Variants in BCAS3 observed in about 807,000 individuals in gnomAD.
The protein encoded by BCAS3 is BCAS4/BCAS3 fusion.
Under a neutral mutation model 116.1 loss-of-function variants are expected in BCAS3, and 53 were observed. The ratio of observed to expected loss-of-function variants is 0.46; its 90% confidence interval spans 0.37 to 0.57. The LOEUF is 0.57. Ranked by LOEUF, BCAS3 falls within the 20% of genes least tolerant of loss-of-function variation. BCAS3 has a pLI of 0.00. For synonymous variants in BCAS3, 391 were observed against 408.2 expected, an observed-to-expected ratio of 0.96 and a Z score of 0.51; for missense variants, 917 against 1,165.4, an observed-to-expected ratio of 0.79 and a Z score of 3.10.
intron 13 of BCAS3, among the ~76,000 whole-genome samples, chr17:60,930,012 T>G (rs1310602541): frequency 6.6e-6 from 1 of 152,124 alleles, no homozygotes; most frequent in Non-Finnish European, 1.5e-5. Flanking sequence ...CTATTGTGAA[T>G]AGTGCTGCAA....
intron 19 of BCAS3, among the ~76,000 whole-genome samples, chr17:61,061,626 A>T (rs1231493403): frequency 1.3e-5 from 2 of 152,210 alleles, no homozygotes; most frequent in African/African-American, 2.4e-5. Flanking sequence ...AGTAGGTTCC[A>T]TATATGCTCT....
intron 4 of BCAS3, among the ~76,000 whole-genome samples, chr17:60,702,733 GCGTGTGCCACAGCGC>G (rs2036578513): frequency 6.6e-6 from 1 of 152,088 alleles, no homozygotes; most frequent in African/African-American, 2.4e-5. Flanking sequence ...GGGACTGTAG[GCGTGTGCCACAGCGC>G]CTGGCTAATT....
intron 8 of BCAS3, 31 bp from the exon 9 acceptor site, chr17:60,874,631 C>T (rs1269692313): frequency 6.6e-7 from 1 of 1,505,524 alleles, no homozygotes. Context: ...CACTTTTTTT[C>T]TTTCTGTTTT....
chr17:61,093,434 A>G (rs1229774872), intron 22 of BCAS3, among the ~76,000 whole-genome samples: 11 of 152,102 alleles, frequency 7.2e-5, no homozygotes, highest in Admixed American at 5.9e-4. Flanking sequence ...AAAAAGTACA[A>G]AAATTAGCCA....
chr17:60,854,547 C>T (rs2053487604), intron 7 of BCAS3, among the ~76,000 whole-genome samples: 1 of 152,156 alleles, frequency 6.6e-6, no homozygotes, highest in Non-Finnish European at 1.5e-5. Flanking sequence ...TATGAACAGA[C>T]ACTTCTCAAA....
intron 13 of BCAS3, 143 bp from the exon 14 acceptor site, chr17:60,947,075 AT>A (rs993605348): frequency 6.5e-6 from 5 of 763,634 alleles, no homozygotes; most frequent in African/African-American, 5.3e-5. Flanking sequence ...AAGATATTTT[AT>A]TTTTTTCTTT....
chr17:60,780,205 G>A (rs192164918), intron 6 of BCAS3, among the ~76,000 whole-genome samples: 2 of 151,170 alleles, frequency 1.3e-5, no homozygotes, highest in African/African-American at 2.4e-5. Flanking sequence ...GGCCAAGCTG[G>A]TCTCAAACTC....
Position 61,324,581 on chromosome 17 carries a change from C to A in BCAS3, c.2426-43746C>A, listed in dbSNP as rs1407892583. Among the ~76,000 whole-genome samples the A allele has an allele frequency of 6.6e-6, 1 of 152,182 alleles. No individual in the cohort carries two copies. Among genetic ancestry groups the A allele is most frequent in the Non-Finnish European group, 1.5e-5 (1 of 68,024 alleles). On this transcript the variant is annotated intron_variant, in intron 22 of 23. Transcript: ENST00000407086. The surrounding 1 kb of genome is among the most constrained non-coding windows in gnomAD (Gnocchi z 4.6). The stretch of plus-strand genomic sequence containing the variant: ...AATCGCCTCCAAAAGGAAGGCAGCA[C>A]TGAATGACAGTAAAGTAAGGGCTGG...
At position 61,244,660 on chromosome 17, in the gene BCAS3, G is replaced by A. The variant is rs1429380529; in HGVS notation, c.2426-123667G>A. Among the ~76,000 whole-genome samples, 2 of 152,088 alleles carry A rather than the reference G, an allele frequency of 1.3e-5. No homozygotes were observed. Among genetic ancestry groups the A allele is most frequent in the African/African-American group, 2.4e-5 (1 of 41,426 alleles). On this transcript the variant is annotated intron_variant, in intron 22 of 23. Coordinates refer to ENST00000407086, the MANE Select transcript of BCAS3 (RefSeq NM_017679.5). This position sits in a 1 kb window ranked among gnomAD's most constrained non-coding sequence, Gnocchi z 4.9. Reference sequence around the variant, plus strand: ...GGGCGGATCACGAGGTCAGGAGATCGAGACCATCCTGGCTAACACGGTGAA... The same window carrying A: ...GGGCGGATCACGAGGTCAGGAGATCAAGACCATCCTGGCTAACACGGTGAA...
chr17:61,067,317 T>TATATATATA (rs2070778205), intron 19 of BCAS3, among the ~76,000 whole-genome samples: 78 of 59,700 alleles, frequency 1.3e-3, no homozygotes, highest in African/African-American at 2.6e-3. Context: ...ATATATATAT[T>TATATATATA]TATACAGACT....
intron 22 of BCAS3, among the ~76,000 whole-genome samples, chr17:61,329,370 T>A (rs938227897): frequency 1.4e-5 from 2 of 147,588 alleles, no homozygotes; most frequent in African/African-American, 5.0e-5. Flanking sequence ...AGACGGAGTC[T>A]CGCTCTGTCG....
chr17:60,997,788 T>C (rs2063938893), intron 15 of BCAS3, among the ~76,000 whole-genome samples: 1 of 152,206 alleles, frequency 6.6e-6, no homozygotes, highest in South Asian at 2.1e-4. Flanking sequence ...ATTTCATATA[T>C]TTGCTCCTTC....
intron 10 of BCAS3, among the ~76,000 whole-genome samples, chr17:60,891,504 A>G (rs1348392499): frequency 6.6e-6 from 1 of 152,264 alleles, no homozygotes; most frequent in Non-Finnish European, 1.5e-5. Context: ...GTCCTTACAT[A>G]GTATTTTCAT....
chr17:61,373,165 A>G (rs1256679089), intron 23 of BCAS3, among the ~76,000 whole-genome samples: 1 of 150,546 alleles, frequency 6.6e-6, no homozygotes, highest in Non-Finnish European at 1.5e-5. Flanking sequence ...ATCTCGGCTC[A>G]CTGCAACCTC....
intron 22 of BCAS3, among the ~76,000 whole-genome samples, chr17:61,143,422 G>A (rs943332610): frequency 6.6e-5 from 10 of 152,140 alleles, no homozygotes; most frequent in African/African-American, 2.2e-4. Flanking sequence ...GTAGAATAAA[G>A]GTAGATATTC....
At chr17:61,273,399 A>C (rs768558934) in intron 22 of BCAS3, among the ~76,000 whole-genome samples, 8 of 152,130 alleles carry the variant, frequency 5.3e-5, no homozygotes, top group Non-Finnish European at 1.2e-4. Context: ...AAAAAGCCAG[A>C]TGTCATTCTG....
In BCAS3 at chr17:60,993,614, A is replaced by G. The variant is rs550452987; in HGVS notation, c.1486+3379A>G. 1.2e-4 allele frequency among the ~76,000 whole-genome samples: 18 copies of G among 152,288 alleles called. No individual in the cohort carries two copies. The highest frequency in any genetic ancestry group is 2.2e-4 in the African/African-American group (9 of 41,578). ...TTTGTATCTTACATGTCATAACAAAATGGGCATTGTTGGTTAGTTCTAAAA... is the reference window on the plus strand; with the variant it reads ...TTTGTATCTTACATGTCATAACAAAGTGGGCATTGTTGGTTAGTTCTAAAA... On this transcript the variant is annotated intron_variant, in intron 15 of 23. Transcript: ENST00000407086. This position sits in a 1 kb window ranked among gnomAD's most constrained non-coding sequence, Gnocchi z 4.2.
At position 61,007,825 on chromosome 17, in the gene BCAS3, G is replaced by A. The variant is rs552394184; in HGVS notation, c.1487-7926G>A. Among the ~76,000 whole-genome samples the A allele has an allele frequency of 3.1e-4, 47 of 152,070 alleles. No individual in the cohort carries two copies. The highest frequency in any genetic ancestry group is 1.1e-3 in the African/African-American group (47 of 41,496). On this transcript the variant is annotated intron_variant, in intron 15 of 23. Transcript: ENST00000407086. The surrounding 1 kb of genome is among the most constrained non-coding windows in gnomAD (Gnocchi z 4.3). ...TACCTACAGTAATGTCTATGGTGAC[G>A]TGAACTTTTTACTCAAAGAAAGCAA...
At chr17:60,821,110 C>G (rs2049924036) in intron 7 of BCAS3, among the ~76,000 whole-genome samples, 1 of 152,012 alleles carries the variant, frequency 6.6e-6, no homozygotes, top group Non-Finnish European at 1.5e-5. Context: ...TCATGCCTGG[C>G]TAATATTTGT....
Sources: allele counts gnomAD v4.1 joint callset (sites outside exome capture counted in the v4.1 genomes callset), GRCh38; gene constraint gnomAD v4.1.1; non-coding constraint Gnocchi (gnomAD v3.1); transcripts MANE v1.5; gene names NCBI Gene and HGNC (gene_info 2026-07-23, HGNC 2026-07-21).